The following NEDD9 variants were observed in gnomAD, a reference collection of about 807,000 sequenced individuals.
NEDD9 encodes the protein neural precursor cell expressed, developmentally down-regulated 9.
Under a neutral mutation model 76.6 loss-of-function variants are expected in NEDD9, and 26 were observed. The ratio of observed to expected loss-of-function variants is 0.34; its 90% CI spans 0.25 to 0.47. The LOEUF (loss-of-function observed/expected upper bound fraction) is 0.47. NEDD9 is among the 20% of genes least tolerant of loss of function. NEDD9 has a pLI of 1.00. For synonymous variants in NEDD9, 392 were observed against 414.2 expected (o/e 0.95, Z 0.65); for missense variants, 937 against 1,058.5 (o/e 0.89, Z 1.59).
chr6:11,309,005 G>A (rs1561827141), intron 2 of NEDD9, among the ~76,000 whole-genome samples: 1 of 152,212 alleles, frequency 6.6e-6, no homozygotes, highest in Non-Finnish European at 1.5e-5. Context: ...GAATGTGCCA[G>A]TTGTCTGTTA....
chr6:11,206,512 C>T (rs1291486742), intron 2 of NEDD9, among the ~76,000 whole-genome samples: 1 of 152,168 alleles, frequency 6.6e-6, no homozygotes, highest in Non-Finnish European at 1.5e-5. Flanking sequence ...ACAGTGTTCT[C>T]CTACTTAGCC....
At chr6:11,250,477 G>C (rs1240303066) in intron 3 of NEDD9, among the ~76,000 whole-genome samples, 1 of 152,178 alleles carries the variant, frequency 6.6e-6, no homozygotes, top group Non-Finnish European at 1.5e-5. Context: ...CACAGCAGGG[G>C]AGAGAGGCTG....
intron 3 of NEDD9, among the ~76,000 whole-genome samples, chr6:11,238,139 G>A (rs996076852): frequency 1.3e-5 from 2 of 152,052 alleles, no homozygotes; most frequent in Non-Finnish European, 2.9e-5. Flanking sequence ...GAGGTGCCAG[G>A]CCCTGTGCCA....
rs1762864237 is a variant in NEDD9 at position 11,370,992 on chromosome 6, A to G, written c.-214+11147T>C. 6.6e-6 allele frequency among the ~76,000 whole-genome samples: 1 copy of G among 152,168 alleles called. No individual in the cohort carries two copies. Among genetic ancestry groups the G allele is most frequent in the Non-Finnish European group, 1.5e-5 (1 of 68,014 alleles). ...AATGAGGAAGGGGACGGAGCCTGGCAGGGATCTCCCAGAAGGTCCTTCCAG... is the reference window on the plus strand; with the variant it reads ...AATGAGGAAGGGGACGGAGCCTGGCGGGGATCTCCCAGAAGGTCCTTCCAG... On this transcript the variant is annotated intron_variant, in intron 1 of 3. Coordinates refer to the NEDD9 transcript ENST00000397378. This position sits in a 1 kb window ranked among gnomAD's most constrained non-coding sequence, Gnocchi z 4.2.
At position 11,370,972 on chromosome 6, in the gene NEDD9, G is replaced by A. The variant is rs1437948962; in HGVS notation, c.-214+11167C>T. ...TGACTTGTGGCCCAGAGCTGAATGA[G>A]GAAGGGGACGGAGCCTGGCAGGGAT... On this transcript the variant is annotated intron_variant, in intron 1 of 3. Coordinates refer to the NEDD9 transcript ENST00000397378. This position sits in a 1 kb window ranked among gnomAD's most constrained non-coding sequence, Gnocchi z 4.2. 1.3e-5 allele frequency among the ~76,000 whole-genome samples: 2 copies of A among 152,146 alleles called. No individual in the cohort carries two copies. The highest frequency in any genetic ancestry group is 1.5e-5 in the Non-Finnish European group (1 of 68,014).
chr6:11,276,240 CTG>C (rs768269781), intron 3 of NEDD9, among the ~76,000 whole-genome samples: 1 of 152,172 alleles, frequency 6.6e-6, no homozygotes, highest in Non-Finnish European at 1.5e-5. Context: ...AGAGAAATGC[CTG>C]TGTTACAGAT....
intron 2 of NEDD9, among the ~76,000 whole-genome samples, chr6:11,316,292 A>G (rs541805952): frequency 6.6e-6 from 1 of 152,228 alleles, no homozygotes; most frequent in Non-Finnish European, 1.5e-5. Context: ...CTTTGAGGAA[A>G]GTCAGGATCT....
intron 3 of NEDD9, among the ~76,000 whole-genome samples, chr6:11,275,565 C>CACACACACACATATATAT (rs551632582): frequency 3.7e-4 from 56 of 150,284 alleles, no homozygotes; most frequent in African/African-American, 1.2e-3. Flanking sequence ...CACACACACA[C>CACACACACACATATATAT]ATATATATAT....
At chr6:11,323,159 A>T (rs546423104) in intron 2 of NEDD9, among the ~76,000 whole-genome samples, 1 of 152,362 alleles carries the variant, frequency 6.6e-6, no homozygotes, top group East Asian at 1.9e-4. Flanking sequence ...GTGAGCTCAC[A>T]AAAATCTTTG....
At chr6:11,224,721 T>C (rs1191660012) in intron 1 of NEDD9, among the ~76,000 whole-genome samples, 1 of 152,210 alleles carries the variant, frequency 6.6e-6, no homozygotes, top group Non-Finnish European at 1.5e-5. Context: ...TGCCATTTTC[T>C]GTGTGCTGGC....
chr6:11,296,445 C>A (rs1427115794), intron 3 of NEDD9, among the ~76,000 whole-genome samples: 1 of 152,174 alleles, frequency 6.6e-6, no homozygotes, highest in Non-Finnish European at 1.5e-5. Context: ...TCAGGATAAT[C>A]ATGTTTTTAG....
intron 1 of NEDD9, among the ~76,000 whole-genome samples, chr6:11,368,849 T>G (rs539806814): frequency 6.6e-6 from 1 of 152,322 alleles, no homozygotes; most frequent in South Asian, 2.1e-4. Context: ...TCATTCCCTC[T>G]CCTCCTCTTC....
intron 1 of NEDD9, among the ~76,000 whole-genome samples, chr6:11,345,952 TA>T (rs997794026): frequency 1.3e-5 from 2 of 152,218 alleles, no homozygotes; most frequent in African/African-American, 2.4e-5. Flanking sequence ...TCTGTTTGCG[TA>T]AAAGCTCTGA....
chr6:11,303,838 C>T (rs1378249600), intron 3 of NEDD9, among the ~76,000 whole-genome samples: 1 of 152,142 alleles, frequency 6.6e-6, no homozygotes, highest in African/African-American at 2.4e-5. Context: ...AATGTAAGAC[C>T]TAACACTGTA....
chr6:11,290,086 C>T (rs1462688232), intron 3 of NEDD9, among the ~76,000 whole-genome samples: 3 of 152,302 alleles, frequency 2.0e-5, no homozygotes, highest in Non-Finnish European at 1.5e-5. Flanking sequence ...GAGTTCTTTC[C>T]ACTCGTATTA....
At chr6:11,226,412 T>A (rs1759310460) in intron 1 of NEDD9, among the ~76,000 whole-genome samples, 1 of 152,238 alleles carries the variant, frequency 6.6e-6, no homozygotes, top group Non-Finnish European at 1.5e-5. Flanking sequence ...GAAGTCCTGG[T>A]AATTCAGCCT....
intron 2 of NEDD9, among the ~76,000 whole-genome samples, chr6:11,196,456 C>T (rs542988082): frequency 2.0e-5 from 3 of 152,170 alleles, no homozygotes; most frequent in Non-Finnish European, 2.9e-5. Context: ...TAAAGTGTTT[C>T]CTTGCCTTTG....
chr6:11,220,149 C>T (rs1022090022), intron 1 of NEDD9, among the ~76,000 whole-genome samples: 4 of 152,150 alleles, frequency 2.6e-5, no homozygotes, highest in African/African-American at 4.8e-5. Context: ...CACTTTGTCC[C>T]ACTAATCCCT....
At chr6:11,232,392 G>A (rs989527148) in intron 1 of NEDD9, 112 bp downstream of exon 1, 3 of 1,362,204 alleles carry the variant, frequency 2.2e-6, no homozygotes, top group South Asian at 1.2e-5. Context: ...ACTCATCTTA[G>A]AACTCTCCGG....
Sources: allele counts gnomAD v4.1 joint callset (sites outside exome capture counted in the v4.1 genomes callset), GRCh38; gene constraint gnomAD v4.1.1; non-coding constraint Gnocchi (gnomAD v3.1); transcripts MANE v1.5; gene names NCBI Gene and HGNC (gene_info 2026-07-23, HGNC 2026-07-21).